MGAT4A: variants seen among roughly 807,000 people sequenced by gnomAD.
MGAT4A encodes the protein alpha-1,3-mannosyl-glycoprotein 4-beta-N-acetylglucosaminyltransferase A.
In MGAT4A, 33 loss-of-function variants were observed where a neutral mutation model predicts 74.1. That is an observed-to-expected ratio of 0.45 (90% CI 0.34 to 0.60). The LOEUF is 0.60. Ranked by LOEUF, MGAT4A falls within the 20% of genes least tolerant of loss-of-function variation. The pLI is 0.02. For synonymous variants in MGAT4A, 198 were observed against 210.4 expected, an observed-to-expected ratio of 0.94 and a Z score of 0.51; for missense variants, 479 against 628.3, an observed-to-expected ratio of 0.76 and a Z score of 2.54.
chr2:98,692,218 C>A (rs1307817724), intron 2 of MGAT4A, among the ~76,000 whole-genome samples: 1 of 152,106 alleles, frequency 6.6e-6, no homozygotes, highest in Non-Finnish European at 1.5e-5. Context: ...CCTCAGCCTC[C>A]AGAGTAGCTG....
At chr2:98,669,213 C>A (rs984988495) in intron 4 of MGAT4A, among the ~76,000 whole-genome samples, 3 of 152,064 alleles carry the variant, frequency 2.0e-5, no homozygotes, top group Admixed American at 6.6e-5. Flanking sequence ...ATCTTGAATT[C>A]CTACATGTTG....
intron 12 of MGAT4A, among the ~76,000 whole-genome samples, chr2:98,637,093 T>C (rs1701333730): frequency 6.6e-6 from 1 of 152,064 alleles, no homozygotes; most frequent in Admixed American, 6.6e-5. Context: ...GAGGATCACT[T>C]GAGGTCAGGG....
intron 13 of MGAT4A, 38 bp downstream of exon 13, chr2:98,636,479 A>T: frequency 6.9e-7 from 1 of 1,450,298 alleles, no homozygotes. Flanking sequence ...TACTAGTATT[A>T]GTTGTTAGGG....
Position 98,663,146 on chromosome 2 carries a change from C to G in MGAT4A, c.437G>C (p.Arg146Thr). The change falls in exon 5 of 16, where the codon AGA becomes ACA. Residue 146 changes from arginine (R) to threonine (T), a missense_variant. Coordinates refer to ENST00000393487, the MANE Select transcript of MGAT4A (RefSeq NM_012214.3). ...SIVMGIPTVKREVKSYLIETL... is the reference protein window; with the variant it reads ...SIVMGIPTVKTEVKSYLIETL... The stretch of plus-strand genomic sequence containing the variant: ...TTCTATGAGGTAAGATTTAACTTCT[C>G]TCTTCACTGTGGGAATGCCCATGAC... The G allele has an allele frequency of 6.2e-7, 1 of 1,601,840 alleles. No individual in the cohort carries two copies. The highest frequency in any genetic ancestry group is 8.5e-7 in the Non-Finnish European group (1 of 1,172,996).
chr2:98,730,297 C>T (rs1702828761), intron 1 of MGAT4A: 1 of 152,250 alleles, frequency 6.6e-6, no homozygotes, highest in East Asian at 1.9e-4. Context: ...AGTGGCTCGA[C>T]TGCCAGCTCA....
intron 3 of MGAT4A, among the ~76,000 whole-genome samples, chr2:98,677,801 A>ATTT (rs70940122): frequency 0.18 from 21,471 of 120,922 alleles, 2,563 homozygotes; most frequent in Non-Finnish European, 0.26. Context: ...CAGGTAATAA[A>ATTT]TTTTTTTTTT....
rs566866299 is a variant in MGAT4A at position 98,683,535 on chromosome 2, CTTCAT to C, written c.95-5069_95-5065del. Among the ~76,000 whole-genome samples, 126 of 151,332 alleles carry C rather than the reference CTTCAT, an allele frequency of 8.3e-4. 1 individual carries two copies. The highest frequency in any genetic ancestry group is 1.3e-3 in the African/African-American group (53 of 40,946). On this transcript the variant is annotated intron_variant, in intron 2 of 15. Coordinates refer to ENST00000393487, the MANE Select transcript of MGAT4A (RefSeq NM_012214.3). ...ACTTATTTGTACTATCCTTGCAACT[CTTCAT>C]TTCATCATTTTTTTTTTTAATACAA...
chr2:98,729,629 T>C (rs991803530), intron 1 of MGAT4A, among the ~76,000 whole-genome samples: 1 of 152,370 alleles, frequency 6.6e-6, no homozygotes, highest in Admixed American at 6.5e-5. Context: ...TCAGACTGTT[T>C]TGTTAGCAAT....
intron 2 of MGAT4A, among the ~76,000 whole-genome samples, chr2:98,713,295 C>G (rs1047619504): frequency 6.6e-6 from 1 of 151,712 alleles, no homozygotes; most frequent in East Asian, 1.9e-4. Context: ...ATCTACTTTT[C>G]CCAAATAAGT....
intron 2 of MGAT4A, among the ~76,000 whole-genome samples, chr2:98,685,020 T>A (rs1245796872): frequency 2.0e-5 from 3 of 152,166 alleles, no homozygotes; most frequent in Non-Finnish European, 4.4e-5. Flanking sequence ...GAGGATTGCT[T>A]GAACCTAATA....
intron 2 of MGAT4A, among the ~76,000 whole-genome samples, chr2:98,680,464 G>A (rs1020136881): frequency 2.6e-5 from 4 of 152,086 alleles, no homozygotes; most frequent in Middle Eastern, 3.2e-3. Context: ...TCTGTTCCTT[G>A]TCCCTTACAT....
intron 14 of MGAT4A, among the ~76,000 whole-genome samples, chr2:98,631,909 A>G (rs2104219744): frequency 6.6e-6 from 1 of 151,788 alleles, no homozygotes; most frequent in Admixed American, 6.6e-5. Flanking sequence ...CACGAGGTCA[A>G]CACCAGCCTG....
In MGAT4A at chr2:98,676,917, G is replaced by C. The variant is rs191309096; in HGVS notation, c.262+1387C>G. 1.1e-3 allele frequency among the ~76,000 whole-genome samples: 166 copies of C among 152,266 alleles called. 1 individual carries two copies. The highest frequency in any genetic ancestry group is 3.9e-3 in the African/African-American group (160 of 41,546). ...ATTTTTTATCTACACTAGTCCATGA[G>C]TTTCAACATCAGGGTGACATAATGC... is the stretch of plus-strand genomic sequence containing the variant. On this transcript the variant is annotated intron_variant, in intron 3 of 15. Coordinates refer to ENST00000393487, the MANE Select transcript of MGAT4A (RefSeq NM_012214.3).
chr2:98,706,549 C>T (rs1702435428), intron 2 of MGAT4A, among the ~76,000 whole-genome samples: 1 of 151,052 alleles, frequency 6.6e-6, no homozygotes, highest in Non-Finnish European at 1.5e-5. Context: ...AGGATGGTCT[C>T]GATCTCCTGA....
chr2:98,693,599 T>TG (rs1702221643), intron 2 of MGAT4A, among the ~76,000 whole-genome samples: 1 of 151,266 alleles, frequency 6.6e-6, no homozygotes, highest in East Asian at 1.9e-4. Flanking sequence ...CCCACATACT[T>TG]GCGGGGGCTC....
At chr2:98,663,409 C>T (rs1363976114) in intron 4 of MGAT4A, 2 of 1,500,458 alleles carry the variant, frequency 1.3e-6, no homozygotes, top group Non-Finnish European at 1.8e-6. Flanking sequence ...AAATGAAAGA[C>T]ATTAAACTTC....
chr2:98,710,924 A>G (rs557515930), intron 2 of MGAT4A, among the ~76,000 whole-genome samples: 3 of 152,292 alleles, frequency 2.0e-5, no homozygotes, highest in Admixed American at 6.5e-5. Flanking sequence ...TTGGAGCAAA[A>G]TAAGAAGTAT....
In MGAT4A at chr2:98,636,662, A is replaced by T. The variant is rs375480602; in HGVS notation, c.1323-67T>A. The T allele has an allele frequency of 1.6e-4, 216 of 1,386,870 alleles. 2 individuals carry two copies. In the South Asian group the frequency reaches 2.4e-3, roughly 16 times the overall value. The allele number at this position is 1,386,870 out of a possible 1,614,324, so 85.9% of individuals were successfully genotyped here. A position where few individuals can be genotyped will look rare whatever the true frequency, so the allele number is the denominator to read the frequency against. ...GATTTTACAAAGATTCAAGAAAATGACCTTACCTCAGAGTCAGCTTTTCTA... is the reference window on the plus strand; with the variant it reads ...GATTTTACAAAGATTCAAGAAAATGTCCTTACCTCAGAGTCAGCTTTTCTA... On this transcript the variant is annotated intron_variant, in intron 12 of 15. Transcript: ENST00000393487.
intron 14 of MGAT4A, among the ~76,000 whole-genome samples, chr2:98,629,442 T>C (rs566592966): frequency 9.2e-5 from 14 of 152,316 alleles, no homozygotes; most frequent in Admixed American, 7.8e-4. Flanking sequence ...TTATTGAATA[T>C]TGAATTAGGC....
Sources: allele counts gnomAD v4.1 joint callset (sites outside exome capture counted in the v4.1 genomes callset), GRCh38; gene constraint gnomAD v4.1.1; transcripts MANE v1.5; gene names NCBI Gene and HGNC (gene_info 2026-07-23, HGNC 2026-07-21).